Variants in SLC16A7 observed in about 807,000 individuals in gnomAD.
SLC16A7 encodes the protein solute carrier family 16 member 7.
In SLC16A7, 33 loss-of-function variants were observed where a neutral mutation model predicts 34.9. That is an observed-to-expected ratio of 0.94 (90% CI 0.72 to 1.26). SLC16A7 has a LOEUF of 1.26. Among genes scored for constraint, SLC16A7 ranks in the 50% most tolerant of loss-of-function variants. The pLI is 0.00. For synonymous variants in SLC16A7, 201 were observed against 206.6 expected (o/e 0.97, Z 0.23); for missense variants, 573 against 578.1 (o/e 0.99, Z 0.09).
At chr12:59,624,231 C>CT (rs747288562) in intron 1 of SLC16A7, among the ~76,000 whole-genome samples, 2 of 151,536 alleles carry the variant, frequency 1.3e-5, no homozygotes, top group Non-Finnish European at 1.5e-5. Flanking sequence ...ACTCATATCT[C>CT]TTTTTTTGAG....
intron 2 of SLC16A7, among the ~76,000 whole-genome samples, chr12:59,672,200 A>ACGTATATATG (rs1565641597): frequency 3.2e-4 from 10 of 31,526 alleles, no homozygotes; most frequent in African/African-American, 8.3e-4. Context: ...ACGTATATAT[A>ACGTATATATG]CATATATACG....
intron 1 of SLC16A7, among the ~76,000 whole-genome samples, chr12:59,601,772 T>C (rs1356979055): frequency 1.3e-5 from 2 of 152,174 alleles, no homozygotes; most frequent in Non-Finnish European, 2.9e-5. Context: ...AGACTGCTGG[T>C]TTCTTATATC....
At chr12:59,738,042 C>A (rs891755888) in intron 3 of SLC16A7, among the ~76,000 whole-genome samples, 15 of 152,074 alleles carry the variant, frequency 9.9e-5, no homozygotes, top group Non-Finnish European at 4.4e-5. Context: ...TAAATTATAT[C>A]CTTAAAGATC....
chr12:59,737,488 C>G (rs1877734671), intron 3 of SLC16A7, among the ~76,000 whole-genome samples: 1 of 152,164 alleles, frequency 6.6e-6, no homozygotes, highest in African/African-American at 2.4e-5. Context: ...AATAATTTTA[C>G]TTTAAACTAT....
chr12:59,685,736 T>C (rs1423265661), intron 2 of SLC16A7, among the ~76,000 whole-genome samples: 2 of 152,124 alleles, frequency 1.3e-5, no homozygotes, highest in Non-Finnish European at 2.9e-5. Context: ...GAATATACAA[T>C]ATACAAGGTT....
chr12:59,727,262 T>C (rs768067980), intron 3 of SLC16A7, among the ~76,000 whole-genome samples: 12 of 151,840 alleles, frequency 7.9e-5, no homozygotes, highest in Non-Finnish European at 1.8e-4. Context: ...TCCCTGGTGA[T>C]GACGTTAACA....
chr12:59,726,791 TC>T (rs1876299241), intron 3 of SLC16A7, among the ~76,000 whole-genome samples: 1 of 151,912 alleles, frequency 6.6e-6, no homozygotes, highest in South Asian at 2.1e-4. Context: ...ACTAAGCCCC[TC>T]CAGAAACTCA....
At chr12:59,666,116 GT>G (rs1375977988) in intron 2 of SLC16A7, among the ~76,000 whole-genome samples, 1 of 152,066 alleles carries the variant, frequency 6.6e-6, no homozygotes, top group African/African-American at 2.4e-5. Flanking sequence ...GAGGAACTAG[GT>G]CTAGAGAGGG....
chr12:59,736,076 G>C (rs1877557306), intron 3 of SLC16A7: 1 of 229,926 alleles, frequency 4.3e-6, no homozygotes. Flanking sequence ...ATACAACTGT[G>C]AGAGATTTAT....
intron 1 of SLC16A7, among the ~76,000 whole-genome samples, chr12:59,600,815 G>C (rs1270522535): frequency 1.3e-5 from 2 of 152,080 alleles, no homozygotes; most frequent in East Asian, 3.9e-4. Context: ...TATCAGTGTT[G>C]ATAAATGAAG....
chr12:59,683,756 G>T (rs1470187206), intron 2 of SLC16A7, among the ~76,000 whole-genome samples: 1 of 152,074 alleles, frequency 6.6e-6, no homozygotes, highest in Non-Finnish European at 1.5e-5. Flanking sequence ...AATATAATGG[G>T]GGGTATGTAA....
chr12:59,733,145 A>G (rs2711677), intron 3 of SLC16A7, among the ~76,000 whole-genome samples: 60,518 of 152,022 alleles, frequency 0.4, 12,556 homozygotes, highest in African/African-American at 0.51. Flanking sequence ...CCTTAGGGGT[A>G]TCGCTTCACC....
intron 1 of SLC16A7, among the ~76,000 whole-genome samples, chr12:59,621,878 A>G (rs1879711095): frequency 1.3e-5 from 2 of 151,692 alleles, no homozygotes; most frequent in Non-Finnish European, 2.9e-5. Flanking sequence ...TTTTGAGGAA[A>G]TTATGCATTT....
chr12:59,779,113 A>G (rs1473560158), intron 5 of SLC16A7, among the ~76,000 whole-genome samples: 2 of 152,096 alleles, frequency 1.3e-5, no homozygotes, highest in Non-Finnish European at 2.9e-5. Context: ...ATAGATATAA[A>G]AATATACCTC....
intron 3 of SLC16A7, among the ~76,000 whole-genome samples, chr12:59,745,436 C>T (rs1878789479): frequency 6.6e-6 from 1 of 151,930 alleles, no homozygotes. Flanking sequence ...GGATAATTGC[C>T]CTATGAATTG....
chr12:59,672,911 C>T (rs1870007801), intron 2 of SLC16A7, among the ~76,000 whole-genome samples: 1 of 152,162 alleles, frequency 6.6e-6, no homozygotes. Flanking sequence ...TGCCATCTCT[C>T]TTTCAAGATA....
intron 2 of SLC16A7, among the ~76,000 whole-genome samples, chr12:59,701,886 G>A (rs1179515859): frequency 6.6e-6 from 1 of 151,742 alleles, no homozygotes; most frequent in Non-Finnish European, 1.5e-5. Flanking sequence ...TACTATAGCA[G>A]ATATGATAAA....
chr12:59,756,819 C>G (rs9705753), intron 3 of SLC16A7, among the ~76,000 whole-genome samples: 35,829 of 129,208 alleles, frequency 0.28, 5,615 homozygotes, highest in East Asian at 0.31. Flanking sequence ...ATATTTATTG[C>G]GGCACTATTC....
chr12:59,753,186 A>C (rs1280201568), intron 3 of SLC16A7, among the ~76,000 whole-genome samples: 2 of 152,218 alleles, frequency 1.3e-5, no homozygotes, highest in African/African-American at 4.8e-5. Flanking sequence ...GCTAGGAAGA[A>C]ACTGCATCAA....
Sources: allele counts gnomAD v4.1 joint callset (sites outside exome capture counted in the v4.1 genomes callset), GRCh38; gene constraint gnomAD v4.1.1; transcripts MANE v1.5; gene names NCBI Gene and HGNC (gene_info 2026-07-23, HGNC 2026-07-21).